Variants in AP4E1 observed in about 807,000 individuals in gnomAD.
AP4E1 encodes adaptor related protein complex 4 subunit epsilon 1, also known as AP-4 complex subunit epsilon-1.
AP4E1 carries 56 observed loss-of-function variants against 128.2 expected under a neutral mutation model. That is an observed-to-expected ratio of 0.44 (90% CI 0.35 to 0.55). The LOEUF is 0.55. Among genes scored for constraint, AP4E1 ranks in the 20% least tolerant of loss-of-function variants. The pLI is 0.00. For missense variants in AP4E1, 1,324 were observed against 1,307.7 expected, an observed-to-expected ratio of 1.01 and a Z score of -0.19; for synonymous variants, 484 against 473.1, an observed-to-expected ratio of 1.02 and a Z score of -0.30.
chr15:50,954,457 T>TTTGTTG (rs900199359), intron 13 of AP4E1, among the ~76,000 whole-genome samples: 2 of 151,888 alleles, frequency 1.3e-5, no homozygotes, highest in African/African-American at 4.8e-5. Context: ...AATAGTTCAG[T>TTTGTTG]TTGTTGTTGT....
At chr15:50,917,814 T>C (rs2063647868) in intron 3 of AP4E1, among the ~76,000 whole-genome samples, 1 of 152,164 alleles carries the variant, frequency 6.6e-6, no homozygotes, top group African/African-American at 2.4e-5. Flanking sequence ...ATAGTTACAG[T>C]ACAGGCCGGG....
At chr15:50,957,419 T>C (rs1198203611) in intron 13 of AP4E1, among the ~76,000 whole-genome samples, 2 of 152,090 alleles carry the variant, frequency 1.3e-5, no homozygotes, top group African/African-American at 4.8e-5. Flanking sequence ...CTGGGGTCTT[T>C]ATAGGCACAG....
chr15:50,975,605 A>G (rs1353530523), intron 15 of AP4E1, among the ~76,000 whole-genome samples: 1 of 152,130 alleles, frequency 6.6e-6, no homozygotes, highest in Non-Finnish European at 1.5e-5. Context: ...TTAGTTGACT[A>G]TACATGCTTG....
At chr15:50,971,800 T>G (rs557716114) in intron 15 of AP4E1, among the ~76,000 whole-genome samples, 1 of 152,164 alleles carries the variant, frequency 6.6e-6, no homozygotes, top group Admixed American at 6.5e-5. Context: ...GTTTGGTTCT[T>G]TTTTATGATA....
rs2064366751 is a variant in AP4E1, at chr15:50,964,953, T to TGCC, written c.1852-3310_1852-3309insGCC. Reference sequence around the variant, plus strand: ...TATTGTAAAGTATAACACCTCCCCCTACCACACACACACACACACACACAC... The same window carrying TGCC: ...TATTGTAAAGTATAACACCTCCCCCTGCCACCACACACACACACACACACACAC... On this transcript the variant is annotated intron_variant, in intron 14 of 20. Transcript: ENST00000261842. 1.1e-4 allele frequency among the ~76,000 whole-genome samples: 4 copies of TGCC among 37,946 alleles called. No homozygotes were observed. The South Asian group carries it at 2.9e-3, about 28-fold the overall frequency. The allele number at this position is 37,946 out of a possible 152,430, so 24.9% of individuals were successfully genotyped here.
intron 6 of AP4E1, 28 bp downstream of exon 6, chr15:50,929,196 A>G: frequency 3.1e-6 from 5 of 1,601,874 alleles, no homozygotes; most frequent in Non-Finnish European, 4.3e-6. Flanking sequence ...GCAAGTACTG[A>G]GTAGTTACCA....
intron 14 of AP4E1, among the ~76,000 whole-genome samples, chr15:50,966,589 T>G (rs2064397264): frequency 7.2e-6 from 1 of 139,400 alleles, no homozygotes; most frequent in Non-Finnish European, 1.5e-5. Flanking sequence ...CAGGCTGGAG[T>G]GCAATGGTAC....
chr15:50,933,352 G>GA (rs2063860200), intron 7 of AP4E1, among the ~76,000 whole-genome samples: 1 of 152,038 alleles, frequency 6.6e-6, no homozygotes, highest in African/African-American at 2.4e-5. Context: ...GTATTTAATT[G>GA]AAAAAACCAA....
intron 15 of AP4E1, among the ~76,000 whole-genome samples, chr15:50,976,066 A>C (rs976068435): frequency 1.4e-4 from 21 of 151,976 alleles, no homozygotes; most frequent in Non-Finnish European, 3.1e-4. Flanking sequence ...GACCAGCCTT[A>C]CCCTGATAGC....
At chr15:50,927,115 A>T (rs1277239249) in intron 5 of AP4E1, among the ~76,000 whole-genome samples, 1 of 152,204 alleles carries the variant, frequency 6.6e-6, no homozygotes, top group East Asian at 1.9e-4. Context: ...ATTTTTGCTT[A>T]ACTTTTCCTT....
In AP4E1 at chr15:50,997,371, A is replaced by G; in HGVS notation, c.2392A>G (p.Lys798Glu). ...TVSHKFRRKS[K>E]VKEAKSGETT... ...CTCTCACAAGTTCAGAAGGAAATCA[A>G]AAGTCAAAGAAGCTAAAAGTGGCGA... is the stretch of plus-strand genomic sequence containing the variant. Residue 798 changes from lysine (K) to glutamate (E), a missense_variant, in exon 18 of 21, where the codon AAA (lysine) becomes GAA (glutamate). Coordinates refer to ENST00000261842, the MANE Select transcript of AP4E1 (RefSeq NM_007347.5). 1 of 1,603,582 alleles carries G rather than the reference A, an allele frequency of 6.2e-7. No individual in the cohort carries two copies. Among genetic ancestry groups the G allele is most frequent in the Non-Finnish European group, 8.5e-7 (1 of 1,177,166 alleles).
chr15:50,907,683 C>T (rs971083854), upstream of AP4E1, among the ~76,000 whole-genome samples: 2 of 152,170 alleles, frequency 1.3e-5, no homozygotes, highest in Non-Finnish European at 2.9e-5. Flanking sequence ...AGTCAATCGT[C>T]ATCTAGCCGC....
chr15:50,972,818 G>A (rs930514223), intron 15 of AP4E1, among the ~76,000 whole-genome samples: 30 of 152,164 alleles, frequency 2.0e-4, no homozygotes, highest in Non-Finnish European at 4.4e-5. Context: ...TGGGTGCAAG[G>A]CTGTTTGGCT....
chr15:50,983,318 C>G (rs2064667922), intron 15 of AP4E1, among the ~76,000 whole-genome samples: 1 of 152,116 alleles, frequency 6.6e-6, no homozygotes, highest in Non-Finnish European at 1.5e-5. Flanking sequence ...GTCTTTTATT[C>G]CAAGAGGACT....
At chr15:50,984,242 C>G in intron 16 of AP4E1, 97 bp downstream of exon 16, 1 of 1,399,288 alleles carries the variant, frequency 7.1e-7, no homozygotes, top group Non-Finnish European at 1.0e-6. Flanking sequence ...TCATCATGGT[C>G]ATTATTTGCT....
chr15:50,961,777 T>G (rs553488929), intron 14 of AP4E1, among the ~76,000 whole-genome samples: 10 of 151,870 alleles, frequency 6.6e-5, no homozygotes, highest in African/African-American at 1.9e-4. Flanking sequence ...AAGAAAGAAA[T>G]AAAGGGATCT....
intron 16 of AP4E1, among the ~76,000 whole-genome samples, chr15:50,984,724 T>G (rs2064693607): frequency 6.6e-6 from 1 of 152,188 alleles, no homozygotes; most frequent in Non-Finnish European, 1.5e-5. Context: ...ACATTTGGGT[T>G]GGTTCCAAGT....
At chr15:50,920,053 GGCAACACA>G (rs1479000116) in intron 3 of AP4E1, among the ~76,000 whole-genome samples, 2 of 140,674 alleles carry the variant, frequency 1.4e-5, no homozygotes, top group African/African-American at 5.2e-5. Context: ...CTCCAGCCTA[GGCAACACA>G]GCGATAATAT....
chr15:50,989,427 A>G (rs1406895608), intron 16 of AP4E1, among the ~76,000 whole-genome samples: 5 of 151,732 alleles, frequency 3.3e-5, no homozygotes, highest in Admixed American at 2.6e-4. Flanking sequence ...CTAATAATAG[A>G]TCATGAGGAA....
Sources: gnomAD v4.1 joint callset for allele counts (sites outside exome capture counted in the v4.1 genomes callset) on GRCh38, gnomAD v4.1.1 for gene constraint, MANE v1.5 for transcripts, NCBI Gene and HGNC (gene_info 2026-07-23, HGNC 2026-07-21) for gene names.